Variants in VWA8 observed in about 807,000 individuals in gnomAD.
The protein encoded by VWA8 is von Willebrand factor A domain containing 8.
Under a neutral mutation model 241.5 loss-of-function variants are expected in VWA8, and 221 were observed. The ratio of observed to expected loss-of-function variants is 0.91; its 90% CI spans 0.82 to 1.02. The LOEUF (loss-of-function observed/expected upper bound fraction) is 1.02, where lower values mean the gene tolerates loss of function less well. Ranked by LOEUF, VWA8 falls within the 50% of genes least tolerant of loss-of-function variation. The probability of loss-of-function intolerance (pLI) is 0.00; values close to 1 mark genes in which losing one functional copy is unlikely to be tolerated. For missense variants in VWA8, 2,322 were observed against 2,328.7 expected (o/e 1.00, Z 0.06); for synonymous variants, 852 against 827.1 (o/e 1.03, Z -0.52).
At chr13:41,951,411 C>T (rs974017574) in intron 1 of VWA8, among the ~76,000 whole-genome samples, 1 of 152,118 alleles carries the variant, frequency 6.6e-6, no homozygotes, top group Non-Finnish European at 1.5e-5. Context: ...TGCGACACTC[C>T]GTCTCAAATA....
At chr13:41,649,034 A>C (rs12870221) in intron 37 of VWA8, among the ~76,000 whole-genome samples, 6,134 of 152,148 alleles carry the variant, frequency 0.04, 157 homozygotes, top group South Asian at 0.077. Context: ...AAATCCAAAA[A>C]GTAGCTGGGC....
chr13:41,955,416 A>C (rs2138171893), intron 1 of VWA8, among the ~76,000 whole-genome samples: 1 of 152,300 alleles, frequency 6.6e-6, no homozygotes, highest in East Asian at 1.9e-4. Flanking sequence ...TTATCCTGAG[A>C]TTCTTCATGA....
At chr13:41,598,721 T>C (rs2139652430) in intron 40 of VWA8, among the ~76,000 whole-genome samples, 1 of 152,244 alleles carries the variant, frequency 6.6e-6, no homozygotes, top group East Asian at 1.9e-4. Context: ...CTGCAGACCT[T>C]GTTCCACTAT....
intron 2 of VWA8, among the ~76,000 whole-genome samples, chr13:41,938,036 C>T (rs749301114): frequency 2.0e-5 from 3 of 151,750 alleles, no homozygotes; most frequent in Non-Finnish European, 2.9e-5. Flanking sequence ...TGGCACACGT[C>T]TGTAATCCCA....
intron 12 of VWA8, among the ~76,000 whole-genome samples, chr13:41,845,437 T>A (rs1300896921): frequency 6.6e-6 from 1 of 151,952 alleles, no homozygotes; most frequent in African/African-American, 2.4e-5. Context: ...AGAACTATCT[T>A]CATTCGACCC....
intron 21 of VWA8, among the ~76,000 whole-genome samples, chr13:41,748,169 A>G (rs2045624959): frequency 6.6e-6 from 1 of 152,180 alleles, no homozygotes; most frequent in South Asian, 2.1e-4. Flanking sequence ...TTTCAGAAGG[A>G]ATGGTACCAG....
At chr13:41,591,242 A>T (rs185414294) in intron 40 of VWA8, among the ~76,000 whole-genome samples, 26 of 152,362 alleles carry the variant, frequency 1.7e-4, no homozygotes, top group Admixed American at 3.3e-4. Context: ...AAACAATAGT[A>T]TGTGAACATT....
chr13:41,818,891 TG>T (rs1274567142), intron 15 of VWA8, among the ~76,000 whole-genome samples: 2 of 152,316 alleles, frequency 1.3e-5, no homozygotes, highest in East Asian at 3.9e-4. Context: ...GCCACATTCA[TG>T]GTTCTTAGAG....
In VWA8 at chr13:41,568,271, C is replaced by T. The variant is rs369063501; in HGVS notation, c.5644G>A (p.Val1882Ile). The T allele has an allele frequency of 4.2e-5, 67 of 1,613,942 alleles. No individual in the cohort carries two copies. Among genetic ancestry groups the T allele is most frequent in the East Asian group, 8.9e-5 (4 of 44,894 alleles). Residue 1882 changes from valine to isoleucine, a missense_variant, in exon 45 of 45, where the codon GTT (valine) becomes ATT (isoleucine). Transcript: ENST00000379310. ...GGGATATCCTTGGTATCCATGGCAACGAAAGACCGACCAGCTGGTAAAGTT... is the reference window on the plus strand; with the variant it reads ...GGGATATCCTTGGTATCCATGGCAATGAAAGACCGACCAGCTGGTAAAGTT... ...QRTLPAGRSF[V>I]AMDTKDIPQI... is the part of the protein sequence containing the mutation.
At chr13:41,816,614 TA>T in intron 16 of VWA8, 83 bp downstream of exon 16, 1 of 1,333,454 alleles carries the variant, frequency 7.5e-7, no homozygotes, top group Non-Finnish European at 1.1e-6. Flanking sequence ...GCTTAAAAAA[TA>T]GATTTTAAGT....
rs1566456213 is a variant in VWA8 at position 41,784,703 on chromosome 13, T to TATACATATACATATAC, written c.2171-803_2171-802insGTATATGTATATGTAT. Among the ~76,000 whole-genome samples, 267 of 47,734 alleles carry TATACATATACATATAC rather than the reference T, an allele frequency of 5.6e-3. 8 individuals carry two copies. Among genetic ancestry groups the TATACATATACATATAC allele is most frequent in the African/African-American group, 0.012 (211 of 16,972 alleles). The allele number at this position is 47,734 out of a possible 152,430, so 31.3% of individuals were successfully genotyped here. A position where few individuals can be genotyped will look rare whatever the true frequency, so the allele number is the denominator to read the frequency against. On this transcript the variant is annotated intron_variant, in intron 18 of 44. Transcript: ENST00000379310. The stretch of plus-strand genomic sequence containing the variant: ...CTTTATACATATACATATACATATA[T>TATACATATACATATAC]ATATATATATATATATATATATATA...
At chr13:41,741,667 GAATA>G (rs1242527474) in intron 21 of VWA8, among the ~76,000 whole-genome samples, 9 of 152,100 alleles carry the variant, frequency 5.9e-5, no homozygotes, top group African/African-American at 2.2e-4. Context: ...GTTAGCCAAA[GAATA>G]AACACATGAA....
At chr13:41,950,928 CAA>C (rs1566049812) in intron 1 of VWA8, among the ~76,000 whole-genome samples, 1 of 151,832 alleles carries the variant, frequency 6.6e-6, no homozygotes, top group African/African-American at 2.4e-5. Context: ...CTCGGCCTCC[CAA>C]AGTGCTGGGA....
chr13:41,762,128 T>C (rs1253836513), intron 20 of VWA8, among the ~76,000 whole-genome samples: 8 of 152,108 alleles, frequency 5.3e-5, no homozygotes, highest in Admixed American at 3.9e-4. Flanking sequence ...GAAATGCTCA[T>C]TGGAGCACTT....
At chr13:41,919,709 T>A (rs1399506650) in intron 2 of VWA8, among the ~76,000 whole-genome samples, 1 of 151,982 alleles carries the variant, frequency 6.6e-6, no homozygotes, top group African/African-American at 2.4e-5. Flanking sequence ...ACCCACAGCA[T>A]CAAACTACCC....
At chr13:41,871,322 T>G (rs1029519092) in intron 9 of VWA8, among the ~76,000 whole-genome samples, 1 of 152,226 alleles carries the variant, frequency 6.6e-6, no homozygotes, top group African/African-American at 2.4e-5. Flanking sequence ...TTTATTATTA[T>G]ACTTTAAGTT....
intron 21 of VWA8, among the ~76,000 whole-genome samples, chr13:41,751,936 T>A (rs2045659522): frequency 6.6e-6 from 1 of 152,140 alleles, no homozygotes; most frequent in South Asian, 2.1e-4. Context: ...TTAGCACATA[T>A]CAAGTCATTT....
At chr13:41,823,578 A>C (rs1281593510) in intron 14 of VWA8, among the ~76,000 whole-genome samples, 1 of 152,156 alleles carries the variant, frequency 6.6e-6, no homozygotes, top group African/African-American at 2.4e-5. Context: ...TTTTCTCATC[A>C]AAGGAAGGAG....
intron 37 of VWA8, among the ~76,000 whole-genome samples, chr13:41,649,325 CTACTT>C (rs1158253656): frequency 5.3e-5 from 8 of 152,134 alleles, no homozygotes; most frequent in South Asian, 2.1e-4. Context: ...TTAACTTTTC[CTACTT>C]TAAAGTTTTA....
Sources: allele counts gnomAD v4.1 joint callset (sites outside exome capture counted in the v4.1 genomes callset), GRCh38; gene constraint gnomAD v4.1.1; transcripts MANE v1.5; gene names NCBI Gene and HGNC (gene_info 2026-07-23, HGNC 2026-07-21).